NKD2: variants seen among roughly 807,000 people sequenced by gnomAD.
NKD2 encodes the protein protein naked cuticle homolog 2.
In NKD2, 43 loss-of-function variants were observed where a neutral mutation model predicts 34.8. The observed-to-expected ratio is 1.24, with a 90% CI of 0.97 to 1.60. The LOEUF is 1.60. NKD2 is among the 40% of genes most tolerant of loss of function. NKD2 has a pLI of 0.00. For synonymous variants in NKD2, 278 were observed against 265.1 expected, an observed-to-expected ratio of 1.05 and a Z score of -0.47; for missense variants, 675 against 627.1, an observed-to-expected ratio of 1.08 and a Z score of -0.82.
chr5:1,038,282 G>T lies in NKD2; in HGVS notation c.1265G>T (p.Gly422Val). The change falls in exon 10 of 10, where the codon GGC (glycine) becomes GTC (valine). Residue 422 changes from glycine to valine, a missense_variant. By Grantham distance (109) the Gly-to-Val change is moderately radical. Transcript: ENST00000296849. The surrounding 1 kb of genome is among the most constrained non-coding windows in gnomAD (Gnocchi z 4.5). ...RDLPPTPAGE[G>V]YAVPVIQRHE... The stretch of plus-strand genomic sequence containing the variant: ...CTGCCGCCCACGCCAGCAGGAGAGG[G>T]CTACGCGGTGCCAGTGATCCAGCGG... 1.5e-5 allele frequency: 23 copies of T among 1,562,504 alleles called. No individual in the cohort carries two copies. The highest frequency in any genetic ancestry group is 1.8e-5 in the Non-Finnish European group (21 of 1,159,748).
Position 1,033,379 on chromosome 5 carries a change from C to T in NKD2, c.210C>T (p.Leu70=). 6.3e-7 allele frequency: 1 copy of T among 1,598,506 alleles called. No homozygotes were observed. The highest frequency in any genetic ancestry group is 8.5e-7 in the Non-Finnish European group (1 of 1,173,304). Residue 70 remains leucine, a synonymous_variant, in exon 5 of 10, where the codon CTC becomes CTT. Coordinates refer to ENST00000296849, the MANE Select transcript of NKD2 (RefSeq NM_033120.4). ...CTCCTCTTGTCCCCCTAGTGGCACTCCCCGCTGAGAAAGCTGAGGGCCGCG... is the reference window on the plus strand; with the variant it reads ...CTCCTCTTGTCCCCCTAGTGGCACTTCCCGCTGAGAAAGCTGAGGGCCGCG... ...REDQCPLQVA[L]PAEKAEGREH...
At chr5:1,022,003 G>A (rs1308972193) in intron 3 of NKD2, among the ~76,000 whole-genome samples, 1 of 152,108 alleles carries the variant, frequency 6.6e-6, no homozygotes, top group Non-Finnish European at 1.5e-5. Context: ...TTTCCTGCTG[G>A]CCTCATTTTC....
chr5:1,009,618 G>T lies in NKD2; in HGVS notation c.141+58G>T. 1 of 1,348,836 alleles carries T rather than the reference G, an allele frequency of 7.4e-7. No individual in the cohort carries two copies. Among genetic ancestry groups the T allele is most frequent in the Non-Finnish European group, 9.6e-7 (1 of 1,045,250 alleles). 83.6% of individuals were successfully genotyped at this position (1,348,836 alleles called of 1,614,324 possible). On this transcript the variant is annotated intron_variant, in intron 3 of 9. Coordinates refer to ENST00000296849, the MANE Select transcript of NKD2 (RefSeq NM_033120.4). The surrounding 1 kb of genome is among the most constrained non-coding windows in gnomAD (Gnocchi z 6.9). ...GCGCACCCGCCCGGGGGCGGGGAGC[G>T]GTGTCAGAGCTGTTCCTGGTGCCCG...
intron 3 of NKD2, among the ~76,000 whole-genome samples, chr5:1,012,675 C>T (rs557589004): frequency 6.6e-6 from 1 of 152,374 alleles, no homozygotes; most frequent in Non-Finnish European, 1.5e-5. Context: ...AGCCCCACTA[C>T]ATGGCTTGAC....
chr5:1,035,662 C>T, intron 8 of NKD2, 189 bp downstream of exon 8: 1 of 586,732 alleles, frequency 1.7e-6, no homozygotes, highest in East Asian at 2.9e-5. Context: ...CTGAGCTGGG[C>T]CCCCAAGTCT....
chr5:1,036,649 G>A (rs556810127), intron 9 of NKD2: 241 of 612,504 alleles, frequency 3.9e-4, no homozygotes, highest in Non-Finnish European at 6.3e-4. Context: ...CGGATGCGGG[G>A]GTGCCTGGTT....
Position 1,038,257 on chromosome 5 carries a change from C to T in NKD2, c.1240C>T (p.Leu414=). 1 of 1,582,014 alleles carries T rather than the reference C, an allele frequency of 6.3e-7. No individual in the cohort carries two copies. Among genetic ancestry groups the T allele is most frequent in the Non-Finnish European group, 8.6e-7 (1 of 1,167,820 alleles). Residue 414 remains leucine, a synonymous_variant, in exon 10 of 10, where the codon CTG becomes TTG. Coordinates refer to ENST00000296849, the MANE Select transcript of NKD2 (RefSeq NM_033120.4). The surrounding 1 kb of genome is among the most constrained non-coding windows in gnomAD (Gnocchi z 4.5). ...ATVEHEVVRD[L]PPTPAGEGYA... ...AGTGGAGCACGAGGTGGTGCGGGAC[C>T]TGCCGCCCACGCCAGCAGGAGAGGG...
In NKD2 at chr5:1,036,168, A is replaced by G. The variant is rs570002105; in HGVS notation, c.660-89A>G. On this transcript the variant is annotated intron_variant, in intron 8 of 9. Transcript: ENST00000296849. ...GGGTGCTGGTCAGGATGCACCCCGG[A>G]CCCCTGCCGCCTGCTGTAGGCACCC... The G allele has an allele frequency of 6.0e-3, 8,452 of 1,418,332 alleles. 25 individuals carry two copies. The highest frequency in any genetic ancestry group is 0.011 in the Middle Eastern group (45 of 4,240). The allele number at this position is 1,418,332 out of a possible 1,614,324, so 87.9% of individuals were successfully genotyped here. A position where few individuals can be genotyped will look rare whatever the true frequency, so the allele number is the denominator to read the frequency against.
chr5:1,035,256 GAGTT>G (rs1383469003), intron 7 of NKD2, 129 bp from the exon 8 acceptor site: 6 of 737,914 alleles, frequency 8.1e-6, no homozygotes, highest in East Asian at 2.7e-5. Context: ...ACAAGTGAGT[GAGTT>G]AATGAATGAG....
chr5:1,024,612 A>T (rs368720599), intron 3 of NKD2, among the ~76,000 whole-genome samples: 9 of 56,002 alleles, frequency 1.6e-4, no homozygotes, highest in South Asian at 1.3e-3. Flanking sequence ...ATCCCAGCCC[A>T]TTGTCCCTGC....
intron 3 of NKD2, among the ~76,000 whole-genome samples, chr5:1,011,219 T>G (rs1755738149): frequency 6.6e-6 from 1 of 152,190 alleles, no homozygotes; most frequent in Admixed American, 6.5e-5. Context: ...CATTTCAGCT[T>G]TCAGACAAAA....
Position 1,009,650 on chromosome 5 carries a change from G to A in NKD2, c.141+90G>A. The A allele has an allele frequency of 9.0e-7, 1 of 1,105,520 alleles. No individual in the cohort carries two copies. The highest frequency in any genetic ancestry group is 1.2e-6 in the Non-Finnish European group (1 of 834,582). The allele number at this position is 1,105,520 out of a possible 1,614,324, so 68.5% of individuals were successfully genotyped here. Reference sequence around the variant, plus strand: ...GAGCTGTTCCTGGTGCCCGCCCGCGGACAGGCGAGACGTGGGCCGCCATGG... The same window carrying A: ...GAGCTGTTCCTGGTGCCCGCCCGCGAACAGGCGAGACGTGGGCCGCCATGG... On this transcript the variant is annotated intron_variant, in intron 3 of 9. Coordinates refer to ENST00000296849, the MANE Select transcript of NKD2 (RefSeq NM_033120.4). The surrounding 1 kb of genome is among the most constrained non-coding windows in gnomAD (Gnocchi z 6.9).
Position 1,038,325 on chromosome 5 carries a change from C to A in NKD2, c.1308C>A (p.His436Gln). The A allele has an allele frequency of 6.5e-7, 1 of 1,532,166 alleles. No homozygotes were observed. Among genetic ancestry groups the A allele is most frequent in the Non-Finnish European group, 8.7e-7 (1 of 1,144,388 alleles). The allele number at this position is 1,532,166 out of a possible 1,614,324, so 94.9% of individuals were successfully genotyped here. ...PVIQRHEHHH[H>Q]HEHHHHHHHH... ...TCCAGCGGCACGAGCACCACCACCA[C>A]CACGAGCACCACCACCACCACCACC... Residue 436 changes from histidine (H) to glutamine (Q), a missense_variant, in exon 10 of 10, where the codon CAC becomes CAA. Physicochemically the swap from His to Gln is conservative, Grantham distance 24. Coordinates refer to ENST00000296849, the MANE Select transcript of NKD2 (RefSeq NM_033120.4). This position sits in a 1 kb window ranked among gnomAD's most constrained non-coding sequence, Gnocchi z 4.5.
intron 3 of NKD2, among the ~76,000 whole-genome samples, chr5:1,030,670 C>T (rs553986523): frequency 2.0e-5 from 3 of 152,338 alleles, no homozygotes; most frequent in South Asian, 4.1e-4. Context: ...ACAAAGGCCT[C>T]GCCGGGCTGG....
rs1755630598 is a variant in NKD2, at chr5:1,008,896, C to A, written c.-162C>A. 5.3e-6 allele frequency: 2 copies of A among 374,284 alleles called. No individual in the cohort carries two copies. The highest frequency in any genetic ancestry group is 1.4e-4 in the South Asian group (1 of 7,182). 23.2% of individuals were successfully genotyped at this position (374,284 alleles called of 1,614,324 possible). A position where few individuals can be genotyped will look rare whatever the true frequency, so the allele number is the denominator to read the frequency against. On this transcript the variant is annotated 5_prime_UTR_variant, in exon 1 of 10. The change creates a new upstream start codon in the 5' untranslated region. Coordinates refer to ENST00000296849, the MANE Select transcript of NKD2 (RefSeq NM_033120.4). ...GCCCCGCGGCCGTACCTGGCGCCCC[C>A]TGGCTCCCCCGGCCCCCGCGCGGCG...
At chr5:1,032,084 G>A (rs1756665159) in intron 3 of NKD2, 68 bp from the exon 4 acceptor site, 6 of 1,294,180 alleles carry the variant, frequency 4.6e-6, no homozygotes, top group Non-Finnish European at 6.7e-6. Flanking sequence ...GCCGCCCAGA[G>A]CTCCTGCCCA....
chr5:1,033,381 C>A lies in NKD2; in HGVS notation c.212C>A (p.Pro71His). 1 of 1,599,108 alleles carries A rather than the reference C, an allele frequency of 6.3e-7. No homozygotes were observed. Among genetic ancestry groups the A allele is most frequent in the East Asian group, 2.3e-5 (1 of 43,796 alleles). ...CCTCTTGTCCCCCTAGTGGCACTCCCCGCTGAGAAAGCTGAGGGCCGCGAG... is the reference window on the plus strand; with the variant it reads ...CCTCTTGTCCCCCTAGTGGCACTCCACGCTGAGAAAGCTGAGGGCCGCGAG... Reference protein sequence around the residue: ...EDQCPLQVALPAEKAEGREHP... With the variant: ...EDQCPLQVALHAEKAEGREHP... The change falls in exon 5 of 10, where the codon CCC (proline) becomes CAC (histidine). Residue 71 changes from proline (P) to histidine (H), a missense_variant. By Grantham distance (77) the Pro-to-His change is moderately conservative. Transcript: ENST00000296849.
At chr5:1,033,753 G>A (rs768405876) in intron 5 of NKD2, among the ~76,000 whole-genome samples, 3 of 152,214 alleles carry the variant, frequency 2.0e-5, no homozygotes, top group Admixed American at 6.5e-5. Flanking sequence ...AACTTGAGCC[G>A]CATTCCCAGC....
rs1250454082 is a variant in NKD2, at chr5:1,009,633, C to T, written c.141+73C>T. The T allele has an allele frequency of 6.5e-6, 8 of 1,235,106 alleles. No individual in the cohort carries two copies. Among genetic ancestry groups the T allele is most frequent in the Admixed American group, 8.1e-5 (2 of 24,622 alleles). The allele number at this position is 1,235,106 out of a possible 1,614,324, so 76.5% of individuals were successfully genotyped here. On this transcript the variant is annotated intron_variant, in intron 3 of 9. Coordinates refer to ENST00000296849, the MANE Select transcript of NKD2 (RefSeq NM_033120.4). This position sits in a 1 kb window ranked among gnomAD's most constrained non-coding sequence, Gnocchi z 6.9. Reference sequence around the variant, plus strand: ...GGCGGGGAGCGGTGTCAGAGCTGTTCCTGGTGCCCGCCCGCGGACAGGCGA... The same window carrying T: ...GGCGGGGAGCGGTGTCAGAGCTGTTTCTGGTGCCCGCCCGCGGACAGGCGA...
Sources: allele counts gnomAD v4.1 joint callset (sites outside exome capture counted in the v4.1 genomes callset), GRCh38; gene constraint gnomAD v4.1.1; non-coding constraint Gnocchi (gnomAD v3.1); transcripts MANE v1.5; gene names NCBI Gene and HGNC (gene_info 2026-07-23, HGNC 2026-07-21).